The following DIO2 variants were observed in gnomAD, a reference collection of about 807,000 sequenced individuals.
The protein encoded by DIO2 is type II iodothyronine deiodinase.
Under a neutral mutation model 21.4 loss-of-function variants are expected in DIO2, and 19 were observed. That is an observed-to-expected ratio of 0.89 (90% CI 0.62 to 1.30). The LOEUF (loss-of-function observed/expected upper bound fraction) is 1.30. Ranked by LOEUF, DIO2 falls within the 50% of genes most tolerant of loss-of-function variation. The pLI, the probability that DIO2 is intolerant of heterozygous loss-of-function variation, is 0.00. For missense variants in DIO2, 302 were observed against 338.1 expected (o/e 0.89, Z 0.84); for synonymous variants, 122 against 132.9 (o/e 0.92, Z 0.57).
chr14:80,207,382 G>C (rs1458581531), intron 1 of DIO2, among the ~76,000 whole-genome samples: 1 of 152,168 alleles, frequency 6.6e-6, no homozygotes, highest in Non-Finnish European at 1.5e-5. Context: ...AGAAAATACA[G>C]CATATACTAC....
intron 2 of DIO2, among the ~76,000 whole-genome samples, chr14:80,218,249 C>T (rs1160055217): frequency 6.7e-6 from 1 of 149,288 alleles, no homozygotes; most frequent in Non-Finnish European, 1.5e-5. Flanking sequence ...AAAAAAAAAA[C>T]AGATCCTGGC....
At chr14:80,224,493 T>A (rs1888529813) in intron 2 of DIO2, among the ~76,000 whole-genome samples, 1 of 45,344 alleles carries the variant, frequency 2.2e-5, no homozygotes, top group East Asian at 7.5e-4. Context: ...GGTAGAGAGA[T>A]ACTACACACA....
upstream of DIO2, among the ~76,000 whole-genome samples, chr14:80,215,816 G>A (rs778883843): frequency 6.6e-6 from 1 of 152,212 alleles, no homozygotes; most frequent in Non-Finnish European, 1.5e-5. Flanking sequence ...TGCCTGACAG[G>A]GAGTTATGAC....
In DIO2 at chr14:80,203,296, TA is replaced by T. The variant is rs5809986; in HGVS notation, c.223-9del. On this transcript the variant is annotated splice_polypyrimidine_tract_variant and intron_variant, in intron 1 of 1. Transcript: ENST00000438257. ...ATCCTCACCCAATTTCACCTGACGG[TA>T]AAAAAAAAAAAAAAGAAGAAGAAGA... 201,166 of 1,278,196 alleles carry T rather than the reference TA, an allele frequency of 0.16. No individual in the cohort carries two copies. Among genetic ancestry groups the T allele is most frequent in the Middle Eastern group, 0.18 (789 of 4,496 alleles). The allele number at this position is 1,278,196 out of a possible 1,614,324, so 79.2% of individuals were successfully genotyped here.
Position 80,202,984 on chromosome 14 carries a change from G to A in DIO2, c.527C>T (p.Ser176Phe), listed in dbSNP as rs1212173092. The change falls in exon 2 of 2, where the codon TCC becomes TTC. Residue 176 changes from serine (S) to phenylalanine (F), a missense_variant. By Grantham distance (155) the Ser-to-Phe change is radical. Transcript: ENST00000438257. ...PSDGWAIPGD[S>F]SLSFEVKKHQ... Reference sequence around the variant, plus strand: ...CTTCTTCACCTCAAAAGACAAAGAGGAGTCCCCCGGTATCGCCCAGCCATC... The same window carrying A: ...CTTCTTCACCTCAAAAGACAAAGAGAAGTCCCCCGGTATCGCCCAGCCATC... The A allele has an allele frequency of 1.9e-6, 3 of 1,613,938 alleles. No homozygotes were observed. Among genetic ancestry groups the A allele is most frequent in the East Asian group, 2.2e-5 (1 of 44,872 alleles).
At chr14:80,211,713 C>A, upstream of DIO2, 4 of 161,428 alleles carry the variant, frequency 2.5e-5, no homozygotes, top group Non-Finnish European at 3.4e-5. Context: ...CCCATCAATT[C>A]ATTCAATTCG....
chr14:80,197,813 C>T lies in DIO2; in HGVS notation c.*4876G>A, dbSNP rs1362033152. 6.6e-6 allele frequency: 1 copy of T among 152,630 alleles called. No individual in the cohort carries two copies. The highest frequency in any genetic ancestry group is 1.5e-5 in the Non-Finnish European group (1 of 68,038). The allele number at this position is 152,630 out of a possible 1,614,324, so 9.5% of individuals were successfully genotyped here. ...ATCCAACCACTAACTGAGTCGATGA[C>T]TCTTTCGTCAGTAGTTATCATCCGC... On this transcript the variant is annotated 3_prime_UTR_variant, in exon 2 of 2. Coordinates refer to ENST00000438257, the MANE Select transcript of DIO2 (RefSeq NM_013989.5).
chr14:80,215,827 G>T (rs913827369), upstream of DIO2: 4 of 152,246 alleles, frequency 2.6e-5, no homozygotes, highest in Non-Finnish European at 4.4e-5. Flanking sequence ...GAGTTATGAC[G>T]AACGGCTTAC....
chr14:80,203,714 C>T (rs146702334), intron 1 of DIO2, among the ~76,000 whole-genome samples: 1 of 152,326 alleles, frequency 6.6e-6, no homozygotes, highest in African/African-American at 2.4e-5. Context: ...GGTCTTGGGA[C>T]ATGGTCCCTC....
chr14:80,225,850 A>G (rs977421922), intron 2 of DIO2, among the ~76,000 whole-genome samples: 1 of 152,186 alleles, frequency 6.6e-6, no homozygotes, highest in Non-Finnish European at 1.5e-5. Flanking sequence ...ACTCCAGCCA[A>G]CACTGTAACT....
chr14:80,206,368 A>G (rs56033314), intron 1 of DIO2: 125,062 of 1,264,140 alleles, frequency 0.099, 7,798 homozygotes, highest in East Asian at 0.34. Flanking sequence ...CTTTTTTTAG[A>G]TATGGAAGTT....
At position 80,201,029 on chromosome 14, in the gene DIO2, G is replaced by C. The variant is rs972243088; in HGVS notation, c.*1660C>G. The stretch of plus-strand genomic sequence containing the variant: ...AATCATATACTATGATTTCATAATA[G>C]TCTCATATTTACCAAAAAGAAATTA... On this transcript the variant is annotated 3_prime_UTR_variant, in exon 2 of 2. Transcript: ENST00000438257. 5.3e-5 allele frequency: 8 copies of C among 151,624 alleles called. No individual in the cohort carries two copies. The highest frequency in any genetic ancestry group is 5.9e-5 in the Non-Finnish European group (4 of 67,920). The allele number at this position is 151,624 out of a possible 1,614,324, so 9.4% of individuals were successfully genotyped here.
At chr14:80,228,911 T>G (rs1252506552) in intron 2 of DIO2, among the ~76,000 whole-genome samples, 1 of 152,166 alleles carries the variant, frequency 6.6e-6, no homozygotes, top group African/African-American at 2.4e-5. Flanking sequence ...AAATGTCTGA[T>G]TATTGCCCTT....
At chr14:80,207,057 T>C (rs1340280911) in intron 1 of DIO2, among the ~76,000 whole-genome samples, 1 of 152,198 alleles carries the variant, frequency 6.6e-6, no homozygotes, top group Admixed American at 6.5e-5. Flanking sequence ...CGCTGACTTT[T>C]ATCTCTCTCA....
chr14:80,223,290 T>C (rs1390103930), intron 2 of DIO2, among the ~76,000 whole-genome samples: 1 of 152,200 alleles, frequency 6.6e-6, no homozygotes, highest in Non-Finnish European at 1.5e-5. Context: ...GCTTAACATA[T>C]AGCCCCTGGA....
At chr14:80,207,884 T>C (rs1232384628) in intron 1 of DIO2, among the ~76,000 whole-genome samples, 1 of 152,154 alleles carries the variant, frequency 6.6e-6, no homozygotes, top group Non-Finnish European at 1.5e-5. Context: ...ACTGTTTCTC[T>C]CTTAAAAGGG....
At chr14:80,221,047 A>G (rs1203363278) in intron 2 of DIO2, among the ~76,000 whole-genome samples, 1 of 152,238 alleles carries the variant, frequency 6.6e-6, no homozygotes, top group African/African-American at 2.4e-5. Context: ...GAAAAATTTC[A>G]AACATATGCA....
chr14:80,211,630 G>A (rs1888205752), upstream of DIO2: 2 of 595,128 alleles, frequency 3.4e-6, 1 homozygote, highest in South Asian at 4.2e-5. Flanking sequence ...GGAAGCCCAA[G>A]TTGTCTCCTC....
intron 3 of DIO2, chr14:80,216,632 T>C (rs571551760): frequency 3.3e-5 from 5 of 152,194 alleles, no homozygotes; most frequent in Non-Finnish European, 5.9e-5. Context: ...AATTCATTCA[T>C]GACCAAAAAT....
Sources: gnomAD v4.1 joint callset for allele counts (sites outside exome capture counted in the v4.1 genomes callset) on GRCh38, gnomAD v4.1.1 for gene constraint, MANE v1.5 for transcripts, NCBI Gene and HGNC (gene_info 2026-07-23, HGNC 2026-07-21) for gene names.